Variants in GSE1 observed in about 807,000 individuals in gnomAD.
GSE1 encodes Gse1 coiled-coil protein.
GSE1 carries 32 observed loss-of-function variants against 112.6 expected under a neutral mutation model. The ratio of observed to expected loss-of-function variants is 0.28; its 90% CI spans 0.21 to 0.38. GSE1 has a LOEUF of 0.38. GSE1 is among the 10% of genes least tolerant of loss of function. The pLI is 1.00. For synonymous variants in GSE1, 1,115 were observed against 735.6 expected, an observed-to-expected ratio of 1.52 and a Z score of -8.35; for missense variants, 2,348 against 1,699.2, an observed-to-expected ratio of 1.38 and a Z score of -6.71.
intron 1 of GSE1, among the ~76,000 whole-genome samples, chr16:85,576,414 C>G (rs961444606): frequency 6.6e-6 from 1 of 152,108 alleles, no homozygotes; most frequent in Non-Finnish European, 1.5e-5. Context: ...TTTTGAAAAG[C>G]GAAGGGAAGC....
intron 1 of GSE1, among the ~76,000 whole-genome samples, chr16:85,597,396 AAAGAAG>A (rs1279476969): frequency 6.7e-6 from 1 of 149,910 alleles, no homozygotes; most frequent in African/African-American, 2.5e-5. Flanking sequence ...AAAAAAAAAA[AAAGAAG>A]AAGAAAGTTC....
At chr16:85,639,647 C>G (rs150582300) in intron 2 of GSE1, among the ~76,000 whole-genome samples, 59 of 152,376 alleles carry the variant, frequency 3.9e-4, no homozygotes, top group African/African-American at 1.3e-3. Flanking sequence ...GCTTCCAGCT[C>G]CCCAGCTCCA....
chr16:85,629,854 C>T (rs1490816891), intron 1 of GSE1, among the ~76,000 whole-genome samples: 4 of 152,206 alleles, frequency 2.6e-5, no homozygotes, highest in Non-Finnish European at 1.5e-5. Flanking sequence ...TGTGGTGATG[C>T]TGACCGTATC....
At chr16:85,550,856 C>T (rs2044883561) in intron 2 of GSE1, among the ~76,000 whole-genome samples, 1 of 152,230 alleles carries the variant, frequency 6.6e-6, no homozygotes, top group Non-Finnish European at 1.5e-5. Context: ...GATTGGGGAT[C>T]CGGCGGGCCG....
intron 1 of GSE1, among the ~76,000 whole-genome samples, chr16:85,199,005 C>T (rs562246174): frequency 6.6e-6 from 1 of 151,500 alleles, no homozygotes; most frequent in South Asian, 2.1e-4. Context: ...AGTGCAGTGG[C>T]GTGATCTTGG....
intron 5 of GSE1, 48 bp from the exon 6 acceptor site, chr16:85,655,678 C>G: frequency 1.5e-6 from 2 of 1,325,874 alleles, no homozygotes; most frequent in East Asian, 2.3e-5. Flanking sequence ...AGGGCTGGGT[C>G]TTCCCCTTGG....
intron 8 of GSE1, chr16:85,659,782 T>G (rs2052280230): frequency 6.6e-6 from 1 of 152,264 alleles, no homozygotes; most frequent in Non-Finnish European, 1.5e-5. Flanking sequence ...AAGGGGCAGC[T>G]TCTTGTTTAA....
intron 1 of GSE1, among the ~76,000 whole-genome samples, chr16:85,571,182 C>T (rs1387212165): frequency 1.3e-5 from 2 of 152,170 alleles, no homozygotes; most frequent in Non-Finnish European, 2.9e-5. Flanking sequence ...GAACTTCCCT[C>T]CCTTGAGCCC....
intron 1 of GSE1, among the ~76,000 whole-genome samples, chr16:85,604,171 C>A (rs1366777332): frequency 1.3e-5 from 2 of 152,158 alleles, no homozygotes; most frequent in Non-Finnish European, 2.9e-5. Flanking sequence ...AGCAGCCACT[C>A]CCCTCTCCCC....
In GSE1 at chr16:85,374,427, G is replaced by T. The variant is rs558029544; in HGVS notation, c.2464+16784G>T. On this transcript the variant is annotated intron_variant, in intron 2 of 2. Transcript: ENST00000637419. ...CCCTCCGTGTGCAGTGTGTGTCAGT[G>T]TGCATGTCTGTGTCTGTGTCCATGT... Among the ~76,000 whole-genome samples the T allele has an allele frequency of 2.0e-5, 3 of 152,120 alleles. No individual in the cohort carries two copies. The South Asian group carries it at 6.2e-4, about 32-fold the overall frequency.
chr16:85,654,521 G>C (rs1187643222), intron 4 of GSE1, 71 bp downstream of exon 4: 1 of 1,325,140 alleles, frequency 7.5e-7, no homozygotes, highest in Non-Finnish European at 1.0e-6. Context: ...TGGGTCCCCA[G>C]GCAGCCTGCG....
At position 85,643,663 on chromosome 16, in the gene GSE1, C is replaced by G. The variant is rs192181134; in HGVS notation, c.227-4889C>G. Among the ~76,000 whole-genome samples the G allele has an allele frequency of 2.9e-3, 440 of 152,296 alleles. 1 individual carries two copies. Among genetic ancestry groups the G allele is most frequent in the Non-Finnish European group, 4.7e-3 (323 of 68,036 alleles). On this transcript the variant is annotated intron_variant, in intron 2 of 15. Transcript: ENST00000253458. ...GGCAGCTCCAGGTCTCTGTGCATCC[C>G]CTTATGGCATGGGCTATAAGGTTCT...
At chr16:85,292,224 C>T (rs530022102) in intron 1 of GSE1, among the ~76,000 whole-genome samples, 124 of 152,002 alleles carry the variant, frequency 8.2e-4, no homozygotes, top group Non-Finnish European at 1.1e-3. Context: ...CTGCATCCTC[C>T]GCCTCCTGGG....
intron 1 of GSE1, among the ~76,000 whole-genome samples, chr16:85,628,044 A>G (rs1424974919): frequency 1.3e-5 from 2 of 152,154 alleles, no homozygotes; most frequent in Non-Finnish European, 2.9e-5. Context: ...GGCAGGAGGC[A>G]CGTGGGCCCT....
intron 1 of GSE1, among the ~76,000 whole-genome samples, chr16:85,208,407 C>A (rs2143630280): frequency 6.6e-6 from 1 of 152,326 alleles, no homozygotes; most frequent in African/African-American, 2.4e-5. Context: ...CTGCCTGGGG[C>A]TCGAGGGGCG....
At chr16:85,533,402 A>G (rs1340963994) in intron 2 of GSE1, among the ~76,000 whole-genome samples, 1 of 152,212 alleles carries the variant, frequency 6.6e-6, no homozygotes, top group Non-Finnish European at 1.5e-5. Flanking sequence ...CCTGGGCGAC[A>G]CAGCGAGACT....
Position 85,633,013 on chromosome 16 carries a change from TGCC to T in GSE1, c.8-886_8-884del, listed in dbSNP as rs71153808. Among the ~76,000 whole-genome samples, 628 of 146,208 alleles carry T rather than the reference TGCC, an allele frequency of 4.3e-3. 5 individuals carry two copies. Among genetic ancestry groups the T allele is most frequent in the African/African-American group, 0.013 (458 of 36,532 alleles). On this transcript the variant is annotated intron_variant, in intron 1 of 15. Transcript: ENST00000253458. ...GCTGCCCCTGGGCTCAGACCTCTGG[TGCC>T]GCCGCCGCCGCCGCTGTCACCACTG...
At chr16:85,499,295 CTTTTTTTTTTTTTTTTTTTT>C (rs568776401) in intron 2 of GSE1, among the ~76,000 whole-genome samples, 48 of 77,200 alleles carry the variant, frequency 6.2e-4, no homozygotes, top group South Asian at 9.6e-4. Flanking sequence ...GGAAAGTCAC[CTTTTTTTTTTTTTTTTTTTT>C]TTTTTTTTTT....
intron 1 of GSE1, among the ~76,000 whole-genome samples, chr16:85,577,190 G>T (rs1167597098): frequency 6.6e-6 from 1 of 152,196 alleles, no homozygotes; most frequent in East Asian, 1.9e-4. Flanking sequence ...GGCAGAGGCA[G>T]GTCTTCTCCT....
Sources: gnomAD v4.1 joint callset for allele counts (sites outside exome capture counted in the v4.1 genomes callset) on GRCh38, gnomAD v4.1.1 for gene constraint, MANE v1.5 for transcripts, NCBI Gene and HGNC (gene_info 2026-07-23, HGNC 2026-07-21) for gene names.